PRKCQ: variants seen among roughly 807,000 people sequenced by gnomAD.
PRKCQ encodes the protein protein kinase C theta, also known as protein kinase C theta type.
A neutral mutation model predicts 91.2 loss-of-function variants in PRKCQ; 41 were observed. The observed-to-expected ratio is 0.45, with a 90% CI of 0.35 to 0.58. PRKCQ has a LOEUF of 0.58. Among genes scored for constraint, PRKCQ ranks in the 20% least tolerant of loss-of-function variants. PRKCQ has a pLI of 0.00. For missense variants in PRKCQ, 673 were observed against 896.5 expected, an observed-to-expected ratio of 0.75 and a Z score of 3.18; for synonymous variants, 307 against 316.9, an observed-to-expected ratio of 0.97 and a Z score of 0.33.
intron 16 of PRKCQ, among the ~76,000 whole-genome samples, chr10:6,431,373 CAT>C (rs1237090256): frequency 6.6e-6 from 1 of 152,210 alleles, no homozygotes; most frequent in South Asian, 2.1e-4. Flanking sequence ...CACACATGGA[CAT>C]AAACACACAC....
At chr10:6,485,303 C>A in intron 9 of PRKCQ, 34 bp from the exon 10 acceptor site, 1 of 1,546,572 alleles carries the variant, frequency 6.5e-7, no homozygotes, top group South Asian at 1.1e-5. Flanking sequence ...ACCACCCACC[C>A]ACCCACCATT....
intron 14 of PRKCQ, among the ~76,000 whole-genome samples, chr10:6,457,692 T>C (rs542151722): frequency 1.1e-4 from 16 of 152,192 alleles, no homozygotes; most frequent in African/African-American, 3.9e-4. Flanking sequence ...AGAGACAATC[T>C]GATTGGTGCA....
At chr10:6,533,246 G>A (rs1002701526) in intron 1 of PRKCQ, among the ~76,000 whole-genome samples, 1 of 152,142 alleles carries the variant, frequency 6.6e-6, no homozygotes, top group Admixed American at 6.5e-5. Flanking sequence ...TGCCCAGGCT[G>A]GAGTGCAGTG....
At chr10:6,565,503 C>A (rs1195715274) in intron 1 of PRKCQ, among the ~76,000 whole-genome samples, 1 of 152,178 alleles carries the variant, frequency 6.6e-6, no homozygotes, top group Non-Finnish European at 1.5e-5. Flanking sequence ...TTACTTTATT[C>A]ATTTCTAAAA....
intron 1 of PRKCQ, among the ~76,000 whole-genome samples, chr10:6,562,160 G>GA (rs1207366137): frequency 6.6e-6 from 1 of 152,170 alleles, no homozygotes; most frequent in African/African-American, 2.4e-5. Context: ...GAACGAAGGA[G>GA]AAGCCCACTC....
chr10:6,533,008 A>T (rs1272705006), intron 1 of PRKCQ, among the ~76,000 whole-genome samples: 1 of 152,090 alleles, frequency 6.6e-6, no homozygotes, highest in Non-Finnish European at 1.5e-5. Context: ...TTGTTTTTTT[A>T]AAAAATAGGT....
chr10:6,484,171 C>T (rs920123738), intron 10 of PRKCQ, among the ~76,000 whole-genome samples: 2 of 152,150 alleles, frequency 1.3e-5, no homozygotes, highest in Non-Finnish European at 2.9e-5. Flanking sequence ...CTGACAACTT[C>T]GGGAGGCCGA....
At chr10:6,456,936 G>A in intron 14 of PRKCQ, 124 bp from the exon 15 acceptor site, 1 of 962,426 alleles carries the variant, frequency 1.0e-6, no homozygotes, top group Non-Finnish European at 1.5e-6. Context: ...AGGCGCTTAT[G>A]TATCTATCCA....
chr10:6,521,917 GTTATGTTATTTAT>G (rs57670089), intron 1 of PRKCQ, among the ~76,000 whole-genome samples: 4,566 of 44,818 alleles, frequency 0.1, 156 homozygotes, highest in South Asian at 0.2. Flanking sequence ...GTTATGTTAT[GTTATGTTATTTAT>G]TTATTTATTT....
rs1406216775 is a variant in PRKCQ at position 6,537,948 on chromosome 10, T to C, written c.-9-22804A>G. ...TTTAGCGCTTCCTCACCGGGGATGGTTTGGAAATAAAAGCTAAGTGGCATG... is the reference window on the plus strand; with the variant it reads ...TTTAGCGCTTCCTCACCGGGGATGGCTTGGAAATAAAAGCTAAGTGGCATG... On this transcript the variant is annotated intron_variant, in intron 1 of 17. Coordinates refer to ENST00000263125, the MANE Select transcript of PRKCQ (RefSeq NM_006257.5). Among the ~76,000 whole-genome samples, 3 of 152,066 alleles carry C rather than the reference T, an allele frequency of 2.0e-5. No homozygotes were observed. The East Asian group carries it at 5.8e-4, about 29-fold the overall frequency.
chr10:6,538,595 T>C (rs748463777), intron 1 of PRKCQ, among the ~76,000 whole-genome samples: 4 of 152,194 alleles, frequency 2.6e-5, no homozygotes, highest in Non-Finnish European at 5.9e-5. Flanking sequence ...ATGGGGGCCT[T>C]TCCTTGCTTG....
chr10:6,453,037 C>T (rs1252367258), intron 15 of PRKCQ, among the ~76,000 whole-genome samples: 2 of 151,798 alleles, frequency 1.3e-5, no homozygotes, highest in African/African-American at 4.8e-5. Context: ...TCTAAAATAC[C>T]AAAAGCAATG....
chr10:6,399,940 G>A, the PRKCQ span, among the ~76,000 whole-genome samples: 20 of 152,062 alleles, frequency 1.3e-4, no homozygotes, highest in Non-Finnish European at 2.4e-4. Flanking sequence ...TTGGGGGGGC[G>A]GACACTGAGT....
At chr10:6,489,365 C>T (rs1424063336) in intron 8 of PRKCQ, 1 of 509,474 alleles carries the variant, frequency 2.0e-6, no homozygotes, top group African/African-American at 1.9e-5. Context: ...ACCACCATCT[C>T]CACGAGAAGG....
At chr10:6,519,812 TG>T (rs915290513) in intron 1 of PRKCQ, among the ~76,000 whole-genome samples, 2 of 152,158 alleles carry the variant, frequency 1.3e-5, no homozygotes, top group African/African-American at 4.8e-5. Flanking sequence ...CTCATAAATA[TG>T]TATAGATTTT....
chr10:6,516,389 ACAT>A (rs1270962921), intron 1 of PRKCQ, among the ~76,000 whole-genome samples: 2 of 152,300 alleles, frequency 1.3e-5, no homozygotes, highest in African/African-American at 4.8e-5. Flanking sequence ...GGTTGGGTAA[ACAT>A]CATGATTTGC....
At chr10:6,559,427 C>T (rs975401732) in intron 1 of PRKCQ, among the ~76,000 whole-genome samples, 1 of 152,120 alleles carries the variant, frequency 6.6e-6, no homozygotes, top group Non-Finnish European at 1.5e-5. Flanking sequence ...GTGGCAGTTT[C>T]GGCTCACTGC....
At chr10:6,470,069 A>G (rs758598323) in intron 12 of PRKCQ, among the ~76,000 whole-genome samples, 62 of 152,286 alleles carry the variant, frequency 4.1e-4, no homozygotes, top group Non-Finnish European at 6.8e-4. Flanking sequence ...AGATTTCTGT[A>G]TCACCACTGA....
At chr10:6,442,129 G>A (rs1280941432) in intron 15 of PRKCQ, 48 bp from the exon 16 acceptor site, 1 of 1,565,832 alleles carries the variant, frequency 6.4e-7, no homozygotes, top group Admixed American at 1.7e-5. Context: ...TGAGGCTGAG[G>A]AGTGACAACT....
Sources: allele counts gnomAD v4.1 joint callset (sites outside exome capture counted in the v4.1 genomes callset), GRCh38; gene constraint gnomAD v4.1.1; transcripts MANE v1.5; gene names NCBI Gene and HGNC (gene_info 2026-07-23, HGNC 2026-07-21).